GLB1: variants seen among roughly 807,000 people sequenced by gnomAD.
The protein encoded by GLB1 is beta-galactosidase.
In GLB1, 56 loss-of-function variants were observed where a neutral mutation model predicts 74.0. The ratio of observed to expected loss-of-function variants is 0.76; its 90% CI spans 0.61 to 0.94. GLB1 has a LOEUF of 0.94. Among genes scored for constraint, GLB1 ranks in the 40% least tolerant of loss-of-function variants. The probability of loss-of-function intolerance (pLI) is 0.00; values close to 1 mark genes in which losing one functional copy is unlikely to be tolerated. For missense variants in GLB1, 787 were observed against 845.5 expected, an observed-to-expected ratio of 0.93 and a Z score of 0.86; for synonymous variants, 323 against 323.6, an observed-to-expected ratio of 1.00 and a Z score of 0.02.
chr3:32,996,312 CCTGT>C (rs1696309620), downstream of GLB1, among the ~76,000 whole-genome samples: 2 of 152,306 alleles, frequency 1.3e-5, no homozygotes, highest in South Asian at 4.1e-4. Context: ...TGTGTATAGG[CCTGT>C]ACTGTGTGAA....
the GLB1 span, among the ~76,000 whole-genome samples, chr3:32,987,690 T>TCTCA: frequency 6.6e-6 from 1 of 152,328 alleles, no homozygotes; most frequent in South Asian, 2.1e-4. Context: ...ATTGATAGTA[T>TCTCA]CTCAATACTC....
chr3:32,999,172 T>C (rs1696440635), intron 15 of GLB1, among the ~76,000 whole-genome samples: 2 of 152,336 alleles, frequency 1.3e-5, no homozygotes, highest in South Asian at 4.1e-4. Flanking sequence ...GGACGACAGT[T>C]TCACAGTTCT....
the GLB1 span, among the ~76,000 whole-genome samples, chr3:32,977,408 A>G: frequency 6.6e-6 from 1 of 152,020 alleles, no homozygotes; most frequent in Non-Finnish European, 1.5e-5. Flanking sequence ...GTTTCTCACC[A>G]TGTCGGCCAG....
intron 10 of GLB1, chr3:33,034,555 T>C (rs1452448514): frequency 1.4e-6 from 1 of 724,310 alleles, no homozygotes; most frequent in Non-Finnish European, 2.6e-6. Context: ...CCTGGGATGG[T>C]CGTGTGTTCA....
chr3:33,016,904 C>G (rs1369305460), intron 13 of GLB1, 64 bp from the exon 14 acceptor site: 33 of 1,597,872 alleles, frequency 2.1e-5, no homozygotes, highest in Non-Finnish European at 2.6e-5. Context: ...GGAGAGGCAG[C>G]ATGCTCAGTT....
At chr3:32,974,031 A>C in the GLB1 span, among the ~76,000 whole-genome samples, 2 of 152,176 alleles carry the variant, frequency 1.3e-5, no homozygotes, top group East Asian at 3.9e-4. Context: ...ATCTGCAAAG[A>C]GACAAACTGC....
At chr3:33,046,459 C>A (rs1698743828) in intron 9 of GLB1, among the ~76,000 whole-genome samples, 1 of 152,042 alleles carries the variant, frequency 6.6e-6, no homozygotes, top group African/African-American at 2.4e-5. Flanking sequence ...GGACTCTTTC[C>A]ATCCACTCTC....
intron 13 of GLB1, 126 bp downstream of exon 13, chr3:33,018,322 A>AAAAAAAAAAAAAAAAAAAAAAC (rs1697323440): frequency 3.5e-6 from 1 of 286,610 alleles, no homozygotes; most frequent in Admixed American, 6.1e-5. Context: ...AAAAAAAAAA[A>AAAAAAAAAAAAAAAAAAAAAAC]AAGATGATGG....
In GLB1 at chr3:33,006,477, T is replaced by G. The variant is rs75349286; in HGVS notation, c.1734+7579A>C. 7.9e-3 allele frequency among the ~76,000 whole-genome samples: 1,205 copies of G among 151,622 alleles called. 7 individuals carry two copies. The highest frequency in any genetic ancestry group is 0.012 in the Non-Finnish European group (847 of 67,828). On this transcript the variant is annotated intron_variant, in intron 15 of 15. Coordinates refer to ENST00000307363, the MANE Select transcript of GLB1 (RefSeq NM_000404.4). The stretch of plus-strand genomic sequence containing the variant: ...CAGTGTCTTCCACGAAACTAGTCCC[T>G]GATACCAACAAGGTTGGGGACCACT...
At chr3:33,095,260 C>G (rs996578365) in intron 1 of GLB1, among the ~76,000 whole-genome samples, 26 of 142,432 alleles carry the variant, frequency 1.8e-4, no homozygotes, top group African/African-American at 6.8e-4. Context: ...ATTTCTAGGA[C>G]AGCTAAAATT....
At chr3:32,969,398 G>A in the GLB1 span, among the ~76,000 whole-genome samples, 2 of 152,168 alleles carry the variant, frequency 1.3e-5, no homozygotes, top group African/African-American at 4.8e-5. Flanking sequence ...AAAGTAACAA[G>A]GAAGAAATTC....
chr3:33,069,900 A>C (rs1699829803), intron 2 of GLB1, among the ~76,000 whole-genome samples: 1 of 152,130 alleles, frequency 6.6e-6, no homozygotes, highest in African/African-American at 2.4e-5. Context: ...TGGTGTACAG[A>C]TTATTTAGTC....
the GLB1 span, among the ~76,000 whole-genome samples, chr3:32,977,738 A>G: frequency 1.3e-5 from 2 of 152,218 alleles, no homozygotes; most frequent in Admixed American, 6.5e-5. Flanking sequence ...ACAAAGAACT[A>G]TAATATTGTA....
Position 33,053,458 on chromosome 3 carries a change from G to T in GLB1, c.792+33C>A, listed in dbSNP as rs753679489. On this transcript the variant is annotated intron_variant, in intron 7 of 15. Coordinates refer to ENST00000307363, the MANE Select transcript of GLB1 (RefSeq NM_000404.4). ...AGCATGTAACTTTTCTCTCTTAACA[G>T]CTGCAAACACACACCTCACCCTCGA... The T allele has an allele frequency of 1.9e-6, 3 of 1,614,082 alleles. No individual in the cohort carries two copies. In the South Asian group the frequency reaches 3.3e-5, roughly 18 times the overall value.
At chr3:33,078,235 C>T (rs1047945041) in intron 1 of GLB1, among the ~76,000 whole-genome samples, 3 of 152,034 alleles carry the variant, frequency 2.0e-5, no homozygotes, top group Non-Finnish European at 2.9e-5. Context: ...CAGAGAGGGA[C>T]CCTGTCTCAA....
rs61734781 is a variant in GLB1, at chr3:33,093,659, G to C, written c.75+3352C>G. 3.7e-6 allele frequency: 6 copies of C among 1,613,966 alleles called. No individual in the cohort carries two copies. Among genetic ancestry groups the C allele is most frequent in the Non-Finnish European group, 5.1e-6 (6 of 1,180,020 alleles). ...GGGGCTGCGCGGCATTCAGAATCCC[G>C]GCCACGCTGAGCACAGCAGTCACTC... On this transcript the variant is annotated intron_variant, in intron 1 of 15. Transcript: ENST00000307363. The surrounding 1 kb of genome is among the most constrained non-coding windows in gnomAD (Gnocchi z 6.0).
the GLB1 span, among the ~76,000 whole-genome samples, chr3:32,971,881 C>G: frequency 6.6e-6 from 1 of 152,116 alleles, no homozygotes; most frequent in Non-Finnish European, 1.5e-5. Flanking sequence ...ACGGGCATAT[C>G]GGCAACTGCT....
At chr3:33,043,844 GAAAAAA>G (rs376478014) in intron 10 of GLB1, among the ~76,000 whole-genome samples, 1 of 104,982 alleles carries the variant, frequency 9.5e-6, no homozygotes, top group Non-Finnish European at 1.8e-5. Flanking sequence ...ACCAAAAAAA[GAAAAAA>G]AAAAAAAAAA....
chr3:32,997,015 A>T lies in GLB1; in HGVS notation c.*30T>A. The T allele has an allele frequency of 6.2e-7, 1 of 1,614,138 alleles. No homozygotes were observed. Among genetic ancestry groups the T allele is most frequent in the Middle Eastern group, 1.7e-4 (1 of 6,060 alleles). On this transcript the variant is annotated 3_prime_UTR_variant, in exon 16 of 16. Transcript: ENST00000307363. ...AGGATCTGTGAGGTATGTTCAGGGT[A>T]GAATCCCTCAAAGACACAGGCTTTC...
Sources: allele counts gnomAD v4.1 joint callset (sites outside exome capture counted in the v4.1 genomes callset), GRCh38; gene constraint gnomAD v4.1.1; non-coding constraint Gnocchi (gnomAD v3.1); transcripts MANE v1.5; gene names NCBI Gene and HGNC (gene_info 2026-07-23, HGNC 2026-07-21).